CTNNA1: variants seen among roughly 807,000 people sequenced by gnomAD.
CTNNA1 encodes the protein catenin alpha-1.
Under a neutral mutation model 98.4 loss-of-function variants are expected in CTNNA1, and 37 were observed. The observed-to-expected ratio is 0.38, with a 90% confidence interval of 0.29 to 0.49. The LOEUF is 0.49. Ranked by LOEUF, CTNNA1 falls within the 20% of genes least tolerant of loss-of-function variation. The pLI, the probability that CTNNA1 is intolerant of heterozygous loss-of-function variation, is 0.95. For missense variants in CTNNA1, 761 were observed against 1,147.2 expected, an observed-to-expected ratio of 0.66 and a Z score of 4.86; for synonymous variants, 404 against 413.2, an observed-to-expected ratio of 0.98 and a Z score of 0.27.
At chr5:138,933,673 A>G (rs1204924772) in intron 17 of CTNNA1, 129 bp from the exon 18 acceptor site, 23 of 926,476 alleles carry the variant, frequency 2.5e-5, no homozygotes, top group Non-Finnish European at 3.3e-5. Context: ...CTGCTGCCCA[A>G]TCCTCTGCGA....
chr5:138,776,905 C>A (rs1322226989), intron 1 of CTNNA1, among the ~76,000 whole-genome samples: 2 of 131,720 alleles, frequency 1.5e-5, no homozygotes, highest in Non-Finnish European at 3.3e-5. Context: ...GGGGGCTGAC[C>A]CCCCCACCTC....
chr5:138,780,048 T>C (rs2149644395), intron 1 of CTNNA1, among the ~76,000 whole-genome samples: 1 of 152,330 alleles, frequency 6.6e-6, no homozygotes, highest in African/African-American at 2.4e-5. Flanking sequence ...AATTTATAAC[T>C]TTTAATGTTT....
At chr5:138,785,349 T>C (rs825764) in intron 3 of CTNNA1, among the ~76,000 whole-genome samples, 115,195 of 151,896 alleles carry the variant, frequency 0.76, 44,115 homozygotes, top group East Asian at 0.99. Flanking sequence ...GCGTGAGCCA[T>C]CGCGCCCGGC....
chr5:138,754,548 T>A (rs1751411687), intron 1 of CTNNA1: 1 of 152,220 alleles, frequency 6.6e-6, no homozygotes, highest in South Asian at 2.1e-4. Flanking sequence ...AATGCTTACA[T>A]CATTGTTGGG....
At chr5:138,839,443 C>T (rs1416700531) in intron 7 of CTNNA1, among the ~76,000 whole-genome samples, 1 of 152,108 alleles carries the variant, frequency 6.6e-6, no homozygotes, top group Non-Finnish European at 1.5e-5. Flanking sequence ...TCAGGTGATC[C>T]ACCCGCCTTG....
intron 1 of CTNNA1, among the ~76,000 whole-genome samples, chr5:138,777,605 C>T (rs1163949090): frequency 3.3e-5 from 5 of 151,876 alleles, no homozygotes; most frequent in African/African-American, 7.3e-5. Flanking sequence ...TCTGCAATCC[C>T]GGCACCTCTG....
intron 10 of CTNNA1, among the ~76,000 whole-genome samples, chr5:138,916,783 T>A (rs191202262): frequency 0.017 from 2,622 of 150,154 alleles, 64 homozygotes; most frequent in African/African-American, 0.056. Context: ...TTATTTATTT[T>A]TTTTTTGAGA....
rs76214913 is a variant in CTNNA1 at position 138,795,680 on chromosome 5, A to G, written c.301+12308A>G. 5.6e-4 allele frequency among the ~76,000 whole-genome samples: 85 copies of G among 152,246 alleles called. No homozygotes were observed. In the East Asian group the frequency reaches 0.014, roughly 25 times the overall value. On this transcript the variant is annotated intron_variant, in intron 3 of 17. Coordinates refer to ENST00000302763, the MANE Select transcript of CTNNA1 (RefSeq NM_001903.5). ...TTTTTACTCTGTAAAACACTGTGTAAAAAGATGCCAAGCTGTTAAGTACAG... is the reference window on the plus strand; with the variant it reads ...TTTTTACTCTGTAAAACACTGTGTAGAAAGATGCCAAGCTGTTAAGTACAG...
At chr5:138,912,133 G>A (rs1332307043) in intron 10 of CTNNA1, among the ~76,000 whole-genome samples, 1 of 152,190 alleles carries the variant, frequency 6.6e-6, no homozygotes, top group Non-Finnish European at 1.5e-5. Flanking sequence ...AAAGATCTGG[G>A]AGTGGAACTG....
At chr5:138,848,767 C>G (rs550600587) in intron 7 of CTNNA1, among the ~76,000 whole-genome samples, 3 of 152,254 alleles carry the variant, frequency 2.0e-5, no homozygotes, top group Admixed American at 1.3e-4. Context: ...CTCTGTCGCC[C>G]AGGCTGGAGT....
intron 9 of CTNNA1, among the ~76,000 whole-genome samples, chr5:138,896,379 TA>T (rs547702194): frequency 8.8e-4 from 134 of 152,322 alleles, no homozygotes; most frequent in African/African-American, 3.2e-3. Context: ...CTTATTTTAA[TA>T]AGAATCTTTT....
chr5:138,913,521 T>C (rs968534562), intron 10 of CTNNA1, among the ~76,000 whole-genome samples: 3 of 151,770 alleles, frequency 2.0e-5, no homozygotes, highest in Non-Finnish European at 2.9e-5. Flanking sequence ...GAGGCGGAGG[T>C]TGCAGTGAGC....
chr5:138,892,327 A>ATTT (rs1755571593), intron 9 of CTNNA1, among the ~76,000 whole-genome samples: 6 of 103,216 alleles, frequency 5.8e-5, no homozygotes, highest in African/African-American at 1.2e-4. Flanking sequence ...AAAATAGCTT[A>ATTT]GTTTTTTTTT....
Position 138,934,256 on chromosome 5 carries a change from ATTAAAAATGCT to A in CTNNA1, c.*170_*180del. The A allele has an allele frequency of 1.7e-6, 1 of 579,256 alleles. No individual in the cohort carries two copies. Among genetic ancestry groups the A allele is most frequent in the African/African-American group, 1.9e-5 (1 of 53,550 alleles). 35.9% of individuals were successfully genotyped at this position (579,256 alleles called of 1,614,324 possible). ...TTTTCCAAGAACATAGTTTAAGTTG[ATTAAAAATGCT>A]TTTAGAATGCAGGAGCCTACTTCTA... On this transcript the variant is annotated 3_prime_UTR_variant, in exon 18 of 18. Coordinates refer to ENST00000302763, the MANE Select transcript of CTNNA1 (RefSeq NM_001903.5).
intron 17 of CTNNA1, 80 bp from the exon 18 acceptor site, chr5:138,933,722 C>T: frequency 6.9e-7 from 1 of 1,459,054 alleles, no homozygotes; most frequent in South Asian, 1.3e-5. Context: ...GTAGGGGGCT[C>T]CCCTTCAAGC....
chr5:138,819,424 G>A (rs114799293), intron 5 of CTNNA1, among the ~76,000 whole-genome samples: 2,534 of 152,240 alleles, frequency 0.017, 77 homozygotes, highest in African/African-American at 0.057. Context: ...GAGTTGTTTG[G>A]CCTGTACGGC....
At chr5:138,854,213 G>A (rs1763509986) in intron 7 of CTNNA1, among the ~76,000 whole-genome samples, 2 of 152,156 alleles carry the variant, frequency 1.3e-5, no homozygotes, top group South Asian at 4.1e-4. Flanking sequence ...GGATATACAA[G>A]TTTCTGAATG....
intron 2 of CTNNA1, among the ~76,000 whole-genome samples, chr5:138,782,892 C>T (rs1160615149): frequency 1.3e-5 from 2 of 152,140 alleles, no homozygotes; most frequent in East Asian, 1.9e-4. Flanking sequence ...TAACTTGTCT[C>T]TAATCATTTT....
Position 138,873,862 on chromosome 5 carries a change from C to T in CTNNA1, c.1063-12350C>T, listed in dbSNP as rs765727672. The T allele has an allele frequency of 5.6e-6, 9 of 1,613,864 alleles. No individual in the cohort carries two copies. In the Admixed American group the frequency reaches 8.3e-5, roughly 15 times the overall value. ...TGATTTTGTTCCATTGTAAGAAGAG[C>T]GTGTGCAGACTGCTTAGCCGTAGGA... is the stretch of plus-strand genomic sequence containing the variant. On this transcript the variant is annotated intron_variant, in intron 7 of 17. Transcript: ENST00000302763. This position sits in a 1 kb window ranked among gnomAD's most constrained non-coding sequence, Gnocchi z 6.1.
Sources: gnomAD v4.1 joint callset for allele counts (sites outside exome capture counted in the v4.1 genomes callset) on GRCh38, gnomAD v4.1.1 for gene constraint, Gnocchi (gnomAD v3.1) non-coding constraint, MANE v1.5 for transcripts, NCBI Gene and HGNC (gene_info 2026-07-23, HGNC 2026-07-21) for gene names.